SIRT2: variants seen among roughly 807,000 people sequenced by gnomAD.
The protein encoded by SIRT2 is sirtuin 2, also known as NAD-dependent protein deacetylase sirtuin-2.
Under a neutral mutation model 57.4 loss-of-function variants are expected in SIRT2, and 40 were observed. The ratio of observed to expected loss-of-function variants is 0.70; its 90% CI spans 0.54 to 0.91. The LOEUF (loss-of-function observed/expected upper bound fraction) is 0.91. SIRT2 is among the 40% of genes least tolerant of loss of function. The pLI, the probability that SIRT2 is intolerant of heterozygous loss-of-function variation, is 0.00. For missense variants in SIRT2, 439 were observed against 510.4 expected, an observed-to-expected ratio of 0.86 and a Z score of 1.35; for synonymous variants, 161 against 195.7, an observed-to-expected ratio of 0.82 and a Z score of 1.48.
In SIRT2 at chr19:38,880,369, GACCCA is replaced by G; in HGVS notation, c.876+311_876+315del. On this transcript the variant is annotated intron_variant, in intron 13 of 15. Transcript: ENST00000249396. The surrounding 1 kb of genome is among the most constrained non-coding windows in gnomAD (Gnocchi z 4.1). The stretch of plus-strand genomic sequence containing the variant: ...CTGCCCAGGAAAAACAGACCTGAGA[GACCCA>G]GAGCGTGGACCCAACCCCGCCCCCC... 3.0e-6 allele frequency: 1 copy of G among 329,038 alleles called. No individual in the cohort carries two copies. The highest frequency in any genetic ancestry group is 4.5e-5 in the Admixed American group (1 of 22,402). 20.4% of individuals were successfully genotyped at this position (329,038 alleles called of 1,614,324 possible). A position where few individuals can be genotyped will look rare whatever the true frequency, so the allele number is the denominator to read the frequency against.
At chr19:38,883,461 C>T (rs912456363) in intron 9 of SIRT2, among the ~76,000 whole-genome samples, 166 bp downstream of exon 9, 1 of 152,146 alleles carries the variant, frequency 6.6e-6, no homozygotes, top group Non-Finnish European at 1.5e-5. Flanking sequence ...TGATCACCCA[C>T]TGAACTCCCC....
chr19:38,879,573 C>T lies in SIRT2; in HGVS notation c.947+59G>A. 3 of 1,554,926 alleles carry T rather than the reference C, an allele frequency of 1.9e-6. No individual in the cohort carries two copies. The South Asian group carries it at 3.6e-5, about 18-fold the overall frequency. ...CTGCTCCTCTCATCTGCCTTCGTGC[C>T]CCCGCTCCCACCTCACCCTGTCCCT... On this transcript the variant is annotated intron_variant, in intron 14 of 15. Coordinates refer to ENST00000249396, the MANE Select transcript of SIRT2 (RefSeq NM_012237.4).
chr19:38,883,627 C>A lies in SIRT2; in HGVS notation c.631G>T (p.Glu211Ter), dbSNP rs772729178. 5 of 1,613,460 alleles carry A rather than the reference C, an allele frequency of 3.1e-6. No individual in the cohort carries two copies. The South Asian group carries it at 5.5e-5, about 18-fold the overall frequency. Reference sequence around the variant, plus strand: ...CCCTCAGGATGCCCTCCAGCCTCACCTTTCATCCAGCTTAGCGGGTATTCG... The same window carrying A: ...CCCTCAGGATGCCCTCCAGCCTCACATTTCATCCAGCTTAGCGGGTATTCG... Reference protein sequence around the residue: ...RHEYPLSWMKEKIFSEVTPKC... With the variant: ...RHEYPLSWMK The change falls in exon 9 of 16, where the codon GAG becomes TAG. Residue 211 changes from glutamate (E) to a stop codon, truncating the protein, a stop_gained and splice_region_variant. Transcript: ENST00000249396. LOFTEE classifies it high-confidence loss of function.
Position 38,899,537 on chromosome 19 carries a change from G to A in SIRT2, c.-16C>T. The A allele has an allele frequency of 9.9e-6, 16 of 1,613,794 alleles. No individual in the cohort carries two copies. The highest frequency in any genetic ancestry group is 1.4e-5 in the Non-Finnish European group (16 of 1,179,994). On this transcript the variant is annotated 5_prime_UTR_variant, in exon 1 of 16. Transcript: ENST00000249396. ...GCTCTGCCATGGGCGCGGTGCTGAA[G>A]CCCTTGAGGCTGTCACCGACCGCTC...
intron 9 of SIRT2, among the ~76,000 whole-genome samples, chr19:38,881,694 CTT>C (rs568675653): frequency 6.9e-6 from 1 of 145,776 alleles, no homozygotes. Flanking sequence ...TTTTTTCTTT[CTT>C]TTTTTTTTTG....
intron 2 of SIRT2, among the ~76,000 whole-genome samples, chr19:38,895,797 G>C (rs573977156): frequency 6.6e-6 from 1 of 152,294 alleles, no homozygotes; most frequent in East Asian, 1.9e-4. Context: ...GAAAGGCTGA[G>C]CACGGTGGCT....
Position 38,880,752 on chromosome 19 carries a change from G to A in SIRT2, c.825-16C>T. 1 of 1,609,672 alleles carries A rather than the reference G, an allele frequency of 6.2e-7. No individual in the cohort carries two copies. Among genetic ancestry groups the A allele is most frequent in the Non-Finnish European group, 8.5e-7 (1 of 1,176,688 alleles). On this transcript the variant is annotated splice_polypyrimidine_tract_variant and intron_variant, in intron 12 of 15. Coordinates refer to ENST00000249396, the MANE Select transcript of SIRT2 (RefSeq NM_012237.4). This position sits in a 1 kb window ranked among gnomAD's most constrained non-coding sequence, Gnocchi z 4.1. ...GAGGGGTGCCCTGTGGGGAGGGGGA[G>A]CTAAGGGGTCAGGGTCTGTCCTGGC...
chr19:38,887,791 G>A, intron 8 of SIRT2, among the ~76,000 whole-genome samples: 1 of 151,968 alleles, frequency 6.6e-6, no homozygotes, highest in East Asian at 1.9e-4. Context: ...ATGGAGTCTT[G>A]CTCTGTCACC....
intron 9 of SIRT2, among the ~76,000 whole-genome samples, chr19:38,882,275 A>G (rs1973178242): frequency 6.6e-6 from 1 of 152,060 alleles, no homozygotes; most frequent in Non-Finnish European, 1.5e-5. Flanking sequence ...TCGACGTCCA[A>G]AAGTGTTGGG....
intron 2 of SIRT2, among the ~76,000 whole-genome samples, chr19:38,895,115 C>T (rs559868766): frequency 4.0e-5 from 6 of 151,456 alleles, no homozygotes; most frequent in South Asian, 2.1e-4. Flanking sequence ...AGAGCATGTA[C>T]GCTGAGCCTC....
At position 38,879,000 on chromosome 19, in the gene SIRT2, G is replaced by T; in HGVS notation, c.*155C>A. The T allele has an allele frequency of 1.4e-6, 1 of 723,646 alleles. No homozygotes were observed. Among genetic ancestry groups the T allele is most frequent in the Admixed American group, 3.4e-5 (1 of 29,646 alleles). 44.8% of individuals were successfully genotyped at this position (723,646 alleles called of 1,614,324 possible). ...GAGATTTGCTGGGGTTGGGGGCCAG[G>T]GTTGCTGGGACCCCAGTTTTGGGGA... is the stretch of plus-strand genomic sequence containing the variant. On this transcript the variant is annotated 3_prime_UTR_variant, in exon 16 of 16. Transcript: ENST00000249396.
At chr19:38,883,075 GTTTTTTTTT>G (rs61706756) in intron 9 of SIRT2, among the ~76,000 whole-genome samples, 2 of 110,406 alleles carry the variant, frequency 1.8e-5, no homozygotes, top group African/African-American at 7.4e-5. Context: ...GTGACTTCTT[GTTTTTTTTT>G]TTTTTTTTTT....
chr19:38,880,935 G>C lies in SIRT2; in HGVS notation c.748-38C>G. ...GCGTGAGCTTGGGAGCCTCCGCCCA[G>C]GCTGCGCCACCGCTCCCTCCCCCGC... is the stretch of plus-strand genomic sequence containing the variant. On this transcript the variant is annotated intron_variant, in intron 11 of 15. Coordinates refer to ENST00000249396, the MANE Select transcript of SIRT2 (RefSeq NM_012237.4). This position sits in a 1 kb window ranked among gnomAD's most constrained non-coding sequence, Gnocchi z 4.1. The C allele has an allele frequency of 6.3e-7, 1 of 1,597,466 alleles. No individual in the cohort carries two copies. The highest frequency in any genetic ancestry group is 8.6e-7 in the Non-Finnish European group (1 of 1,166,264).
rs1973863604 is a variant in SIRT2 at position 38,899,568 on chromosome 19, C to T, written c.-47G>A. On this transcript the variant is annotated 5_prime_UTR_variant, in exon 1 of 16. Transcript: ENST00000249396. Reference sequence around the variant, plus strand: ...GAGGCTGTCACCGACCGCTCTGTCCCGTCACCAACCACTGTGTCCCGTCAC... The same window carrying T: ...GAGGCTGTCACCGACCGCTCTGTCCTGTCACCAACCACTGTGTCCCGTCAC... The T allele has an allele frequency of 6.2e-7, 1 of 1,613,246 alleles. No individual in the cohort carries two copies. Among genetic ancestry groups the T allele is most frequent in the Non-Finnish European group, 8.5e-7 (1 of 1,179,512 alleles).
chr19:38,889,252 ACC>A, intron 7 of SIRT2, 97 bp from the exon 8 acceptor site: 1 of 1,165,158 alleles, frequency 8.6e-7, no homozygotes, highest in Non-Finnish European at 1.3e-6. Context: ...TGACTGTTTT[ACC>A]CCCAGGGAAC....
At chr19:38,883,534 G>T (rs1397358754) in intron 9 of SIRT2, 93 bp downstream of exon 9, 2 of 1,478,926 alleles carry the variant, frequency 1.4e-6, no homozygotes, top group Non-Finnish European at 1.8e-6. Flanking sequence ...AAACCCCAAA[G>T]AATTGAGCAG....
At chr19:38,887,968 C>G (rs1973395916) in intron 8 of SIRT2, among the ~76,000 whole-genome samples, 1 of 152,038 alleles carries the variant, frequency 6.6e-6, no homozygotes, top group South Asian at 2.1e-4. Flanking sequence ...GTTGGACAGG[C>G]TGGTCTTGAA....
chr19:38,879,210 G>A lies in SIRT2; in HGVS notation c.1115C>T (p.Ser372Phe), dbSNP rs1490301559. ...NPSTSASPKK[S>F]PPPAKDEART... ...GGCCTCGTCCTTGGCAGGTGGCGGG[G>A]ACTTCTTGGGGGAAGCTGAAGTGCT... The change falls in exon 16 of 16, where the codon TCC (serine) becomes TTC (phenylalanine). Residue 372 changes from serine (S) to phenylalanine (F), a missense_variant. By Grantham distance (155) the Ser-to-Phe change is radical. Coordinates refer to ENST00000249396, the MANE Select transcript of SIRT2 (RefSeq NM_012237.4). 2 of 1,590,536 alleles carry A rather than the reference G, an allele frequency of 1.3e-6. No individual in the cohort carries two copies. The highest frequency in any genetic ancestry group is 2.0e-5 in the Admixed American group (1 of 50,538).
intron 9 of SIRT2, among the ~76,000 whole-genome samples, chr19:38,882,510 C>T (rs1170885788): frequency 6.6e-6 from 1 of 151,984 alleles, no homozygotes; most frequent in East Asian, 1.9e-4. Flanking sequence ...TAGCACGTGC[C>T]TGTAATCCCA....
Sources: gnomAD v4.1 joint callset for allele counts (sites outside exome capture counted in the v4.1 genomes callset) on GRCh38, gnomAD v4.1.1 for gene constraint, Gnocchi (gnomAD v3.1) non-coding constraint, MANE v1.5 for transcripts, NCBI Gene and HGNC (gene_info 2026-07-23, HGNC 2026-07-21) for gene names.